Variants in CDH23 observed in about 807,000 individuals in gnomAD.
The protein encoded by CDH23 is cadherin related 23.
A neutral mutation model predicts 317.1 loss-of-function variants in CDH23; 189 were observed. The ratio of observed to expected loss-of-function variants is 0.60; its 90% CI spans 0.53 to 0.67. The LOEUF (loss-of-function observed/expected upper bound fraction) is 0.67. CDH23 is among the 30% of genes least tolerant of loss of function. CDH23 has a pLI of 0.00. For missense variants in CDH23, 4,401 were observed against 4,592.4 expected (o/e 0.96, Z 1.20); for synonymous variants, 1,839 against 1,876.8 (o/e 0.98, Z 0.52).
chr10:71,406,555 C>T (rs1455376907), intron 1 of CDH23, among the ~76,000 whole-genome samples: 5 of 152,180 alleles, frequency 3.3e-5, no homozygotes, highest in South Asian at 2.1e-4. Context: ...ATACTTACCT[C>T]GGCTAATGGG....
Position 71,815,379 on chromosome 10 carries a change from CCAGGCCTTGGGGA to C in CDH23, c.*104_*116del. The C allele has an allele frequency of 2.5e-6, 3 of 1,186,514 alleles. No homozygotes were observed. The highest frequency in any genetic ancestry group is 3.5e-6 in the Non-Finnish European group (3 of 868,068). 73.5% of individuals were successfully genotyped at this position (1,186,514 alleles called of 1,614,324 possible). ...GCCGGTCGGGGGGGACCCTCCAAGG[CCAGGCCTTGGGGA>C]CAACCTTGGCTTGGCCCTGGCAGCC... On this transcript the variant is annotated 3_prime_UTR_variant, in exon 70 of 70. Coordinates refer to ENST00000224721, the MANE Select transcript of CDH23 (RefSeq NM_022124.6).
intron 3 of CDH23, chr10:71,508,209 T>A (rs1853754030): frequency 6.6e-6 from 1 of 152,238 alleles, no homozygotes; most frequent in African/African-American, 2.4e-5. Flanking sequence ...GTGTCTGGCA[T>A]ATCATAAGAG....
At chr10:71,640,464 C>T (rs1862484989) in intron 11 of CDH23, among the ~76,000 whole-genome samples, 1 of 152,204 alleles carries the variant, frequency 6.6e-6, no homozygotes, top group Admixed American at 6.5e-5. Flanking sequence ...CAGTACTGGG[C>T]CCAGTCCGGG....
intron 20 of CDH23, 90 bp from the exon 21 acceptor site, chr10:71,694,057 C>G (rs1865282631): frequency 9.8e-7 from 1 of 1,018,694 alleles, no homozygotes; most frequent in Non-Finnish European, 1.5e-6. Flanking sequence ...AGTTCTCACC[C>G]TCTCTCCTTC....
rs182205757 is a variant in CDH23, at chr10:71,499,700, A to G, written c.146-10382A>G. Among the ~76,000 whole-genome samples, 221 of 151,918 alleles carry G rather than the reference A, an allele frequency of 1.5e-3. 1 individual carries two copies. The highest frequency in any genetic ancestry group is 5.1e-3 in the Admixed American group (77 of 15,242). On this transcript the variant is annotated intron_variant, in intron 3 of 69. Transcript: ENST00000224721. ...ACTAAAAATACAAAATCAGCTGAGCATGGTGGTGCATGCCTGTAATCCCAG... is the reference window on the plus strand; with the variant it reads ...ACTAAAAATACAAAATCAGCTGAGCGTGGTGGTGCATGCCTGTAATCCCAG...
chr10:71,793,349 A>C lies in CDH23; in HGVS notation c.6421A>C (p.Arg2141=), dbSNP rs376414352. 6.2e-7 allele frequency: 1 copy of C among 1,613,982 alleles called. No homozygotes were observed. The highest frequency in any genetic ancestry group is 2.2e-5 in the East Asian group (1 of 44,882). ...TIDREEQESY[R]LTVVATDRGT... ...CGACAGAGAGGAGCAGGAGTCCTACAGGCTAACGGTGGTGGCCACCGACCG... is the reference window on the plus strand; with the variant it reads ...CGACAGAGAGGAGCAGGAGTCCTACCGGCTAACGGTGGTGGCCACCGACCG... The change falls in exon 48 of 70, where the codon AGG becomes CGG. Residue 2141 remains arginine, a synonymous_variant. Coordinates refer to ENST00000224721, the MANE Select transcript of CDH23 (RefSeq NM_022124.6).
At chr10:71,527,789 C>T (rs1855124255) in intron 6 of CDH23, among the ~76,000 whole-genome samples, 1 of 152,194 alleles carries the variant, frequency 6.6e-6, no homozygotes, top group African/African-American at 2.4e-5. Context: ...TATAAGGCTT[C>T]TGCAATGCAC....
At chr10:71,402,683 A>C (rs1165787653) in intron 1 of CDH23, among the ~76,000 whole-genome samples, 2 of 151,938 alleles carry the variant, frequency 1.3e-5, no homozygotes, top group South Asian at 2.1e-4. Context: ...CAATCTATAC[A>C]TTCATAAATT....
chr10:71,786,706 G>A (rs1841118652), intron 44 of CDH23, among the ~76,000 whole-genome samples: 1 of 151,842 alleles, frequency 6.6e-6, no homozygotes, highest in Admixed American at 6.6e-5. Context: ...CCATGTTGGC[G>A]AGGCTTGTCT....
At chr10:71,704,400 A>C (rs1865701531) in intron 24 of CDH23, among the ~76,000 whole-genome samples, 1 of 152,208 alleles carries the variant, frequency 6.6e-6, no homozygotes, top group Admixed American at 6.5e-5. Context: ...TTTTTAAAAA[A>C]ATAATAATAA....
intron 3 of CDH23, among the ~76,000 whole-genome samples, chr10:71,471,159 A>G (rs1353192379): frequency 7.1e-6 from 1 of 139,998 alleles, no homozygotes; most frequent in Non-Finnish European, 1.6e-5. Context: ...AGCCAAGCTC[A>G]TGCACTCGCC....
intron 6 of CDH23, among the ~76,000 whole-genome samples, chr10:71,564,832 G>T (rs137881083): frequency 2.6e-5 from 4 of 152,192 alleles, no homozygotes; most frequent in Non-Finnish European, 4.4e-5. Flanking sequence ...GCTTTTCTTT[G>T]TTGGAAGATT....
chr10:71,732,521 G>T lies in CDH23; in HGVS notation c.4104+146G>T, dbSNP rs1247953362. 9 of 1,335,064 alleles carry T rather than the reference G, an allele frequency of 6.7e-6. No individual in the cohort carries two copies. In the Admixed American group the frequency reaches 9.0e-5, roughly 13 times the overall value. The allele number at this position is 1,335,064 out of a possible 1,614,324, so 82.7% of individuals were successfully genotyped here. ...GTGTTAGGTACCTGTAGTCCCAGCT[G>T]CTTGAGAGGCTGGGGCAGGAAGATT... On this transcript the variant is annotated intron_variant, in intron 32 of 69. Transcript: ENST00000224721.
intron 18 of CDH23, 69 bp from the exon 19 acceptor site, chr10:71,687,578 C>A: frequency 7.0e-7 from 1 of 1,418,536 alleles, no homozygotes; most frequent in Non-Finnish European, 1.0e-6. Context: ...CCTTGGTGCC[C>A]ACCTTAGACA....
At chr10:71,571,051 G>C in intron 8 of CDH23, 133 bp downstream of exon 8, 2 of 965,892 alleles carry the variant, frequency 2.1e-6, no homozygotes, top group Non-Finnish European at 3.1e-6. Context: ...GCGTGGCAGT[G>C]ATGAGTGTTC....
intron 3 of CDH23, among the ~76,000 whole-genome samples, chr10:71,480,403 C>A (rs371604525): frequency 6.6e-6 from 1 of 152,226 alleles, no homozygotes; most frequent in Admixed American, 6.5e-5. Flanking sequence ...CACTGCTGTC[C>A]GGGTCGGACG....
chr10:71,665,751 C>T (rs1465673964), intron 14 of CDH23, among the ~76,000 whole-genome samples: 1 of 152,172 alleles, frequency 6.6e-6, no homozygotes, highest in Non-Finnish European at 1.5e-5. Context: ...GCACGTAGGG[C>T]AGAACCCAGG....
At chr10:71,400,525 T>A (rs1847733163) in intron 1 of CDH23, among the ~76,000 whole-genome samples, 1 of 152,192 alleles carries the variant, frequency 6.6e-6, no homozygotes, top group South Asian at 2.1e-4. Context: ...TTAGGCTGGG[T>A]GCAGTGGCTC....
chr10:71,759,912 C>CAT (rs1840271308), intron 38 of CDH23, among the ~76,000 whole-genome samples: 1 of 93,122 alleles, frequency 1.1e-5, no homozygotes, highest in African/African-American at 3.6e-5. Context: ...TATACACACA[C>CAT]ACATATATAC....
Sources: allele counts gnomAD v4.1 joint callset (sites outside exome capture counted in the v4.1 genomes callset), GRCh38; gene constraint gnomAD v4.1.1; transcripts MANE v1.5; gene names NCBI Gene and HGNC (gene_info 2026-07-23, HGNC 2026-07-21).